NCKAP5: variants seen among roughly 807,000 people sequenced by gnomAD.
NCKAP5 encodes the protein NCK associated protein 5, also known as nck-associated protein 5.
In NCKAP5, 92 loss-of-function variants were observed where a neutral mutation model predicts 167.0. That is an observed-to-expected ratio of 0.55 (90% CI 0.47 to 0.66). The LOEUF (loss-of-function observed/expected upper bound fraction) is 0.66. Among genes scored for constraint, NCKAP5 ranks in the 30% least tolerant of loss-of-function variants. NCKAP5 has a pLI of 0.00. For missense variants in NCKAP5, 2,378 were observed against 2,315.0 expected, an observed-to-expected ratio of 1.03 and a Z score of -0.56; for synonymous variants, 891 against 877.4, an observed-to-expected ratio of 1.02 and a Z score of -0.27.
chr2:133,328,618 C>T (rs942970595), intron 3 of NCKAP5, among the ~76,000 whole-genome samples: 12 of 151,888 alleles, frequency 7.9e-5, no homozygotes, highest in African/African-American at 1.9e-4. Context: ...ATAATGAACA[C>T]GTAATTGGAG....
At chr2:132,753,551 T>C (rs1253778950) in intron 16 of NCKAP5, among the ~76,000 whole-genome samples, 1 of 152,214 alleles carries the variant, frequency 6.6e-6, no homozygotes, top group Non-Finnish European at 1.5e-5. Context: ...GCCTGCATTT[T>C]TAAGAACTCA....
At chr2:133,534,905 T>G (rs1685640240) in intron 2 of NCKAP5, among the ~76,000 whole-genome samples, 1 of 152,218 alleles carries the variant, frequency 6.6e-6, no homozygotes, top group Non-Finnish European at 1.5e-5. Context: ...AATGCCAAAC[T>G]GTTTTCCAAA....
intron 4 of NCKAP5, among the ~76,000 whole-genome samples, chr2:133,290,846 TG>T (rs1679544162): frequency 6.6e-6 from 1 of 150,612 alleles, no homozygotes; most frequent in Admixed American, 6.7e-5. Context: ...CTCAGAGTCC[TG>T]GACTCAAACC....
chr2:133,572,907 CAA>C, upstream of NCKAP5, among the ~76,000 whole-genome samples: 1 of 152,256 alleles, frequency 6.6e-6, no homozygotes, highest in African/African-American at 2.4e-5. Context: ...CTGGTTATAA[CAA>C]GAGAAGCAAA....
At chr2:132,829,732 G>C (rs1331542743) in intron 11 of NCKAP5, among the ~76,000 whole-genome samples, 1 of 152,134 alleles carries the variant, frequency 6.6e-6, no homozygotes, top group African/African-American at 2.4e-5. Flanking sequence ...GAATCAGGAG[G>C]TGTAGGGTGG....
chr2:133,013,423 T>C (rs1196060025), intron 6 of NCKAP5, among the ~76,000 whole-genome samples: 2 of 152,154 alleles, frequency 1.3e-5, no homozygotes, highest in African/African-American at 2.4e-5. Flanking sequence ...GACCTCACAA[T>C]CATGGTGGAA....
At position 133,077,443 on chromosome 2, in the gene NCKAP5, C is replaced by T. The variant is rs115095628; in HGVS notation, c.341+52535G>A. 6.1e-3 allele frequency among the ~76,000 whole-genome samples: 922 copies of T among 152,202 alleles called. 21 individuals are homozygous for T. The highest frequency in any genetic ancestry group is 5.2e-3 in the Non-Finnish European group (352 of 68,016). ...CCTGTTCCGGTAGCTTAGATGCAGG[C>T]GGTGATGAAAGGTCATTTCACAACT... On this transcript the variant is annotated intron_variant, in intron 6 of 19. Transcript: ENST00000409261.
intron 19 of NCKAP5, among the ~76,000 whole-genome samples, chr2:132,695,723 GATACTTTTA>G (rs1687244448): frequency 6.6e-6 from 1 of 152,096 alleles, no homozygotes; most frequent in African/African-American, 2.4e-5. Flanking sequence ...AGGATCCAAG[GATACTTTTA>G]CCGTTCTGTT....
intron 3 of NCKAP5, among the ~76,000 whole-genome samples, chr2:133,516,886 T>G (rs1278191121): frequency 6.6e-6 from 1 of 152,220 alleles, no homozygotes; most frequent in East Asian, 1.9e-4. Context: ...ACCATCAGAC[T>G]TAGTCTAAAG....
At chr2:132,714,090 A>C (rs1689126599) in intron 19 of NCKAP5, among the ~76,000 whole-genome samples, 1 of 152,332 alleles carries the variant, frequency 6.6e-6, no homozygotes, top group Admixed American at 6.5e-5. Flanking sequence ...TGTGAAAGTA[A>C]ATAATAAAAA....
the NCKAP5 span, among the ~76,000 whole-genome samples, chr2:133,647,226 A>G: frequency 1.3e-5 from 2 of 151,850 alleles, no homozygotes; most frequent in African/African-American, 2.4e-5. Flanking sequence ...AGTCCCAGCT[A>G]CTTAAGAGGC....
At position 132,782,414 on chromosome 2, in the gene NCKAP5, G is replaced by A. The variant is rs769984954; in HGVS notation, c.4397C>T (p.Ala1466Val). 54 of 1,613,920 alleles carry A rather than the reference G, an allele frequency of 3.3e-5. No individual in the cohort carries two copies. In the East Asian group the frequency reaches 1.2e-3, roughly 35 times the overall value. The change falls in exon 14 of 20, where the codon GCC becomes GTC. Residue 1466 changes from alanine (A) to valine (V), a missense_variant. Ala to Val is a moderately conservative substitution (Grantham distance 64). This residue lies in a region of NCKAP5 where 1,325 missense variants were observed against 1,274.5 expected (regional missense o/e 1.04). Transcript: ENST00000409261. Reference sequence around the variant, plus strand: ...TTCTTCGATTGTGGGTGAGAGGGGGGCTTCTGAACTCACAGCATCAGTCGC... The same window carrying A: ...TTCTTCGATTGTGGGTGAGAGGGGGACTTCTGAACTCACAGCATCAGTCGC... ...ATATDAVSSE[A>V]PLSPTIEEKV...
intron 8 of NCKAP5, among the ~76,000 whole-genome samples, chr2:132,944,550 C>T (rs1206962987): frequency 1.3e-5 from 2 of 152,142 alleles, no homozygotes; most frequent in Non-Finnish European, 2.9e-5. Context: ...AGCTGGTTAG[C>T]GCAGTAGCCT....
At chr2:133,476,830 C>G (rs931139302) in intron 3 of NCKAP5, among the ~76,000 whole-genome samples, 4 of 152,170 alleles carry the variant, frequency 2.6e-5, no homozygotes, top group African/African-American at 9.7e-5. Context: ...CCCGGATCCT[C>G]TAACATAAAG....
chr2:133,379,920 C>T (rs1235040911), intron 3 of NCKAP5, among the ~76,000 whole-genome samples: 1 of 152,052 alleles, frequency 6.6e-6, no homozygotes, highest in East Asian at 1.9e-4. Flanking sequence ...ACCGAAATAC[C>T]AGCAAGTGAA....
chr2:133,258,941 C>G (rs1213850531), intron 4 of NCKAP5, among the ~76,000 whole-genome samples: 1 of 152,140 alleles, frequency 6.6e-6, no homozygotes, highest in Non-Finnish European at 1.5e-5. Context: ...TCCAACAGAA[C>G]TAGCCTTCCA....
chr2:133,139,689 G>T (rs903179798), intron 5 of NCKAP5, among the ~76,000 whole-genome samples: 1 of 152,130 alleles, frequency 6.6e-6, no homozygotes, highest in Non-Finnish European at 1.5e-5. Context: ...GACTCTAGAG[G>T]TGAGATACTA....
At chr2:133,393,854 A>C (rs1156648649) in intron 3 of NCKAP5, among the ~76,000 whole-genome samples, 3 of 152,224 alleles carry the variant, frequency 2.0e-5, no homozygotes, top group Non-Finnish European at 4.4e-5. Context: ...GCTTTGTCCA[A>C]AGGCAATTAG....
chr2:133,641,516 C>T, the NCKAP5 span, among the ~76,000 whole-genome samples: 1 of 152,212 alleles, frequency 6.6e-6, no homozygotes, highest in African/African-American at 2.4e-5. Context: ...TCTGGAGCAG[C>T]CCAGAGTCAG....
Sources: gnomAD v4.1 joint callset for allele counts (sites outside exome capture counted in the v4.1 genomes callset) on GRCh38, gnomAD v4.1.1 for gene constraint, gnomAD v4.1.1 regional missense constraint, MANE v1.5 for transcripts, NCBI Gene and HGNC (gene_info 2026-07-23, HGNC 2026-07-21) for gene names.